Variants in KIF1A observed in about 807,000 individuals in gnomAD.
The protein encoded by KIF1A is kinesin-like protein KIF1A.
A neutral mutation model predicts 227.3 loss-of-function variants in KIF1A; 46 were observed. The observed-to-expected ratio is 0.20, with a 90% confidence interval of 0.16 to 0.26. The LOEUF is 0.26. Among genes scored for constraint, KIF1A ranks in the 10% least tolerant of loss-of-function variants. The pLI, the probability that KIF1A is intolerant of heterozygous loss-of-function variation, is 1.00. For missense variants in KIF1A, 1,683 were observed against 2,485.9 expected (o/e 0.68, Z 6.87); for synonymous variants, 1,022 against 1,012.8 (o/e 1.01, Z -0.17).
At chr2:240,781,844 G>A (rs969236121) in intron 10 of KIF1A, 2 of 985,274 alleles carry the variant, frequency 2.0e-6, no homozygotes, top group Non-Finnish European at 2.4e-6. Flanking sequence ...CAGTCCACAC[G>A]CCTTCTCCCA....
intron 1 of KIF1A, among the ~76,000 whole-genome samples, chr2:240,808,754 G>C (rs1039952091): frequency 6.6e-6 from 1 of 151,722 alleles, no homozygotes; most frequent in Admixed American, 6.6e-5. Context: ...TTTTGAGATG[G>C]AGTCTCACAC....
chr2:240,772,553 G>C lies in KIF1A; in HGVS notation c.1207+17C>G, dbSNP rs1245362666. 2.6e-6 allele frequency: 4 copies of C among 1,547,300 alleles called. No homozygotes were observed. The highest frequency in any genetic ancestry group is 3.9e-5 in the Admixed American group (2 of 50,952). Reference sequence around the variant, plus strand: ...GCTGGAAGCAGAGATGCAGAGAGCAGCAAAGGGAATACACACATTTGGGTC... The same window carrying C: ...GCTGGAAGCAGAGATGCAGAGAGCACCAAAGGGAATACACACATTTGGGTC... On this transcript the variant is annotated intron_variant, in intron 14 of 48. Coordinates refer to ENST00000498729, the MANE Select transcript of KIF1A (RefSeq NM_001244008.2).
rs183820804 is a variant in KIF1A, at chr2:240,730,351, G to A, written c.4008-3411C>T. Among the ~76,000 whole-genome samples the A allele has an allele frequency of 1.1e-3, 170 of 152,314 alleles. 1 individual carries two copies. The highest frequency in any genetic ancestry group is 3.4e-3 in the Middle Eastern group (1 of 294). The stretch of plus-strand genomic sequence containing the variant: ...AAACCAAGACCCAGGGAGGCTGAGA[G>A]GTGGCCAAGATCACCCTGCCATGGC... On this transcript the variant is annotated intron_variant, in intron 38 of 48. Transcript: ENST00000498729.
chr2:240,722,095 G>C (rs2045464710), intron 43 of KIF1A, among the ~76,000 whole-genome samples: 1 of 152,218 alleles, frequency 6.6e-6, no homozygotes, highest in Admixed American at 6.5e-5. Context: ...TGAGGGCCTG[G>C]TGTGAGGGCC....
At chr2:240,727,811 G>A (rs188691957) in intron 38 of KIF1A, among the ~76,000 whole-genome samples, 1 of 152,374 alleles carries the variant, frequency 6.6e-6, no homozygotes, top group Non-Finnish European at 1.5e-5. Flanking sequence ...CTCCGGAACA[G>A]GGTTTTCTGT....
intron 43 of KIF1A, 31 bp downstream of exon 43, chr2:240,722,425 T>G (rs776607328): frequency 4.5e-6 from 7 of 1,541,226 alleles, no homozygotes; most frequent in Non-Finnish European, 6.1e-6. Context: ...GGCCTGGGGC[T>G]ACGGCTGTAC....
chr2:240,761,433 T>A, intron 23 of KIF1A, 56 bp from the exon 24 acceptor site: 1 of 1,475,710 alleles, frequency 6.8e-7, no homozygotes, highest in Non-Finnish European at 9.0e-7. Flanking sequence ...CTGCCCACCA[T>A]GCCCCGCCCT....
chr2:240,791,062 T>C (rs1182970736), intron 2 of KIF1A, among the ~76,000 whole-genome samples: 2 of 151,892 alleles, frequency 1.3e-5, no homozygotes, highest in Non-Finnish European at 2.9e-5. Context: ...TGAGGATTTC[T>C]GGGAAACACC....
chr2:240,767,713 A>G (rs561317276), intron 17 of KIF1A, among the ~76,000 whole-genome samples: 1 of 152,356 alleles, frequency 6.6e-6, no homozygotes, highest in Non-Finnish European at 1.5e-5. Flanking sequence ...AGATGTGCAG[A>G]CCACAGGCTT....
intron 10 of KIF1A, among the ~76,000 whole-genome samples, chr2:240,781,431 C>CCACA (rs1207804684): frequency 0.031 from 690 of 21,940 alleles, 79 homozygotes; most frequent in Non-Finnish European, 0.042. Flanking sequence ...ACACACAGCT[C>CCACA]CACACACACA....
chr2:240,739,919 G>C lies in KIF1A; in HGVS notation c.3901+139C>G. On this transcript the variant is annotated intron_variant, in intron 37 of 48. Coordinates refer to ENST00000498729, the MANE Select transcript of KIF1A (RefSeq NM_001244008.2). This position sits in a 1 kb window ranked among gnomAD's most constrained non-coding sequence, Gnocchi z 5.6. ...TTTTCAGGTGAGGAAGTGAGTCACA[G>C]AGAGATTATGTGACCCGGCCAGGGT... is the stretch of plus-strand genomic sequence containing the variant. 1.5e-6 allele frequency: 1 copy of C among 655,308 alleles called. No individual in the cohort carries two copies. Among genetic ancestry groups the C allele is most frequent in the Non-Finnish European group, 2.7e-6 (1 of 366,950 alleles). 40.6% of individuals were successfully genotyped at this position (655,308 alleles called of 1,614,324 possible).
chr2:240,735,082 G>A (rs1225832458), intron 38 of KIF1A, among the ~76,000 whole-genome samples: 1 of 152,232 alleles, frequency 6.6e-6, no homozygotes, highest in East Asian at 1.9e-4. Flanking sequence ...CCACAGGACG[G>A]TGCCTGCCTG....
rs1373585402 is a variant in KIF1A, at chr2:240,792,860, A to C, written c.107-3548T>G. Among the ~76,000 whole-genome samples, 3 of 152,176 alleles carry C rather than the reference A, an allele frequency of 2.0e-5. No homozygotes were observed. The highest frequency in any genetic ancestry group is 4.4e-5 in the Non-Finnish European group (3 of 68,024). ...AGCTCCCTGGGCCAGGCAAGGACACAGCAGGAAGGCAGCAGCTGCAGGCTG... is the reference window on the plus strand; with the variant it reads ...AGCTCCCTGGGCCAGGCAAGGACACCGCAGGAAGGCAGCAGCTGCAGGCTG... On this transcript the variant is annotated intron_variant, in intron 2 of 48. Transcript: ENST00000498729. The surrounding 1 kb of genome is among the most constrained non-coding windows in gnomAD (Gnocchi z 4.5).
At chr2:240,738,217 A>G (rs2047573873) in intron 37 of KIF1A, among the ~76,000 whole-genome samples, 1 of 152,142 alleles carries the variant, frequency 6.6e-6, no homozygotes, top group African/African-American at 2.4e-5. Flanking sequence ...GCGTCTGACC[A>G]AGTACCTGGC....
intron 46 of KIF1A, among the ~76,000 whole-genome samples, chr2:240,719,555 A>G (rs1366703401): frequency 2.0e-5 from 3 of 152,178 alleles, no homozygotes; most frequent in African/African-American, 4.8e-5. Context: ...CAGCCTAGGC[A>G]TGTGGGTCAC....
intron 11 of KIF1A, 130 bp from the exon 12 acceptor site, chr2:240,774,391 ACCC>A (rs570956380): frequency 2.5e-4 from 66 of 265,692 alleles, no homozygotes; most frequent in African/African-American, 1.5e-3. Context: ...TCACAGGCTT[ACCC>A]CCCCCCCCAC....
At chr2:240,798,760 C>T (rs896274712) in intron 1 of KIF1A, among the ~76,000 whole-genome samples, 1 of 152,232 alleles carries the variant, frequency 6.6e-6, no homozygotes, top group African/African-American at 2.4e-5. Flanking sequence ...GATGGGGCTC[C>T]TGGGCACAGG....
intron 38 of KIF1A, among the ~76,000 whole-genome samples, chr2:240,727,141 A>G (rs1305687279): frequency 6.6e-6 from 1 of 152,176 alleles, no homozygotes; most frequent in African/African-American, 2.4e-5. Flanking sequence ...GGTCTCTTGG[A>G]CGCCCCGATG....
chr2:240,804,636 G>T (rs1289558214), intron 1 of KIF1A, among the ~76,000 whole-genome samples: 1 of 152,136 alleles, frequency 6.6e-6, no homozygotes, highest in Admixed American at 6.5e-5. Flanking sequence ...GAAATGGAAG[G>T]CTGGGTAAAA....
Sources: gnomAD v4.1 joint callset for allele counts (sites outside exome capture counted in the v4.1 genomes callset) on GRCh38, gnomAD v4.1.1 for gene constraint, Gnocchi (gnomAD v3.1) non-coding constraint, MANE v1.5 for transcripts, NCBI Gene and HGNC (gene_info 2026-07-23, HGNC 2026-07-21) for gene names.